The following SESTD1 variants were observed in gnomAD, a reference collection of about 807,000 sequenced individuals.
SESTD1 encodes the protein SEC14 and spectrin domain containing 1.
Under a neutral mutation model 101.7 loss-of-function variants are expected in SESTD1, and 43 were observed. That is an observed-to-expected ratio of 0.42 (90% CI 0.33 to 0.55). The LOEUF is 0.55. SESTD1 is among the 20% of genes least tolerant of loss of function. The pLI is 0.07. For synonymous variants in SESTD1, 283 were observed against 286.8 expected (o/e 0.99, Z 0.13); for missense variants, 647 against 815.1 (o/e 0.79, Z 2.51).
At chr2:179,237,740 CA>C (rs2047090275) in intron 1 of SESTD1, among the ~76,000 whole-genome samples, 1 of 152,194 alleles carries the variant, frequency 6.6e-6, no homozygotes, top group South Asian at 2.1e-4. Flanking sequence ...AGGGTAACTT[CA>C]AAATCTGCCC....
chr2:179,136,464 A>C (rs576062969), intron 9 of SESTD1, among the ~76,000 whole-genome samples: 20 of 152,222 alleles, frequency 1.3e-4, no homozygotes, highest in Non-Finnish European at 2.1e-4. Context: ...GTTTTAAGGA[A>C]ACATAGGTAA....
chr2:179,114,269 A>ATAAC (rs1187087426), intron 16 of SESTD1, among the ~76,000 whole-genome samples: 1 of 152,212 alleles, frequency 6.6e-6, no homozygotes. Flanking sequence ...GATGTACTTC[A>ATAAC]TAACTCAGAT....
chr2:179,129,386 TTTTTG>T (rs1209267814), intron 10 of SESTD1, among the ~76,000 whole-genome samples: 17 of 152,226 alleles, frequency 1.1e-4, no homozygotes, highest in African/African-American at 4.1e-4. Context: ...TACCTTATTT[TTTTTG>T]TTGTGTTCTA....
chr2:179,156,817 T>C (rs1410293467), intron 5 of SESTD1, among the ~76,000 whole-genome samples: 1 of 152,356 alleles, frequency 6.6e-6, no homozygotes, highest in African/African-American at 2.4e-5. Flanking sequence ...CAAAAGCTCT[T>C]TAATTTCATT....
At chr2:179,196,948 G>C (rs1249896130) in intron 1 of SESTD1, among the ~76,000 whole-genome samples, 1 of 152,194 alleles carries the variant, frequency 6.6e-6, no homozygotes, top group African/African-American at 2.4e-5. Flanking sequence ...ACGGAACAAA[G>C]CTGGACGGAG....
chr2:179,262,118 C>T (rs1326514483), intron 1 of SESTD1, among the ~76,000 whole-genome samples: 2 of 151,994 alleles, frequency 1.3e-5, no homozygotes, highest in African/African-American at 4.8e-5. Flanking sequence ...CACTAAAGGC[C>T]ACATATTATG....
chr2:179,174,364 G>C (rs1056513109), intron 4 of SESTD1: 2 of 430,130 alleles, frequency 4.6e-6, no homozygotes, highest in East Asian at 1.4e-4. Flanking sequence ...TATCAGAAAA[G>C]AAATCGCAAG....
chr2:179,223,687 C>T (rs1200142507), intron 1 of SESTD1, among the ~76,000 whole-genome samples: 1 of 152,062 alleles, frequency 6.6e-6, no homozygotes, highest in Non-Finnish European at 1.5e-5. Context: ...CAAATTTCTT[C>T]CAACATTGTA....
At chr2:179,137,808 T>C (rs957447717) in intron 9 of SESTD1, among the ~76,000 whole-genome samples, 1 of 152,198 alleles carries the variant, frequency 6.6e-6, no homozygotes, top group African/African-American at 2.4e-5. Context: ...CAAAAGAAGT[T>C]TGAAACAATT....
chr2:179,190,889 C>G (rs2046309819), intron 2 of SESTD1, among the ~76,000 whole-genome samples: 1 of 152,078 alleles, frequency 6.6e-6, no homozygotes, highest in African/African-American at 2.4e-5. Flanking sequence ...GCTGGTGAAG[C>G]TGCAGAGAAA....
chr2:179,168,466 T>G (rs376741347), intron 5 of SESTD1, among the ~76,000 whole-genome samples: 9 of 151,914 alleles, frequency 5.9e-5, no homozygotes, highest in Admixed American at 2.0e-4. Flanking sequence ...GCACAGGAGG[T>G]TGCTGGCCCT....
chr2:179,171,232 T>A (rs924735944), intron 5 of SESTD1, among the ~76,000 whole-genome samples: 4 of 152,222 alleles, frequency 2.6e-5, no homozygotes, highest in Non-Finnish European at 5.9e-5. Context: ...AGCTTAATTT[T>A]TTTAAGTAAA....
chr2:179,181,526 A>T (rs1326597104), intron 3 of SESTD1, among the ~76,000 whole-genome samples: 2 of 152,142 alleles, frequency 1.3e-5, no homozygotes, highest in Non-Finnish European at 2.9e-5. Flanking sequence ...TCAGAATTGG[A>T]CTTCACATGA....
intron 5 of SESTD1, among the ~76,000 whole-genome samples, chr2:179,161,183 A>C (rs539779936): frequency 6.6e-6 from 1 of 151,632 alleles, no homozygotes; most frequent in Non-Finnish European, 1.5e-5. Context: ...CAGCCTCCCA[A>C]AGTGTTGGGA....
intron 8 of SESTD1, among the ~76,000 whole-genome samples, chr2:179,145,160 T>A (rs1300805708): frequency 2.0e-5 from 3 of 152,228 alleles, no homozygotes; most frequent in Non-Finnish European, 4.4e-5. Context: ...TTTTTATATA[T>A]ATTCATAAAA....
intron 5 of SESTD1, among the ~76,000 whole-genome samples, chr2:179,159,388 T>C (rs1231953392): frequency 6.6e-6 from 1 of 152,094 alleles, no homozygotes; most frequent in East Asian, 1.9e-4. Flanking sequence ...ATGGCAAACA[T>C]CACAGAAGGG....
intron 5 of SESTD1, among the ~76,000 whole-genome samples, chr2:179,153,843 A>G (rs1233896738): frequency 6.6e-6 from 1 of 152,200 alleles, no homozygotes; most frequent in South Asian, 2.1e-4. Flanking sequence ...ATCAATAAGA[A>G]TAATAAATGC....
intron 1 of SESTD1, among the ~76,000 whole-genome samples, chr2:179,220,447 G>T (rs1574045378): frequency 6.6e-6 from 1 of 152,142 alleles, no homozygotes; most frequent in East Asian, 1.9e-4. Flanking sequence ...TTCCAGGAGG[G>T]TCAAGATATT....
At chr2:179,159,673 A>G (rs1316158641) in intron 5 of SESTD1, among the ~76,000 whole-genome samples, 2 of 152,218 alleles carry the variant, frequency 1.3e-5, no homozygotes, top group East Asian at 1.9e-4. Context: ...TTAAATTACA[A>G]AATACTGGTA....
Sources: gnomAD v4.1 joint callset for allele counts (sites outside exome capture counted in the v4.1 genomes callset) on GRCh38, gnomAD v4.1.1 for gene constraint, MANE v1.5 for transcripts, NCBI Gene and HGNC (gene_info 2026-07-23, HGNC 2026-07-21) for gene names.